The following CFAP210 variants were observed in gnomAD, a reference collection of about 807,000 sequenced individuals.
The protein encoded by CFAP210 is cilia- and flagella- associated protein 210.
At chr2:169,648,000 A>G in the CFAP210 span, among the ~76,000 whole-genome samples, 10 of 151,984 alleles carry the variant, frequency 6.6e-5, no homozygotes, top group South Asian at 2.1e-4. Context: ...TACTAAAAAT[A>G]CAAAAATTAG....
chr2:169,678,797 A>C, the CFAP210 span, among the ~76,000 whole-genome samples: 3 of 152,106 alleles, frequency 2.0e-5, no homozygotes, highest in Non-Finnish European at 4.4e-5. Flanking sequence ...TGCACTCCAG[A>C]CTAGGCGACA....
the CFAP210 span, chr2:169,661,137 T>C: frequency 1.8e-6 from 1 of 566,836 alleles, no homozygotes; most frequent in Non-Finnish European, 3.5e-6. Flanking sequence ...GCTGAGACAA[T>C]TCATAAAATT....
the CFAP210 span, among the ~76,000 whole-genome samples, chr2:169,693,178 A>C: frequency 6.6e-6 from 1 of 152,250 alleles, no homozygotes; most frequent in East Asian, 1.9e-4. Flanking sequence ...ATAGCTGCAC[A>C]CATCTCTGAA....
the CFAP210 span, among the ~76,000 whole-genome samples, chr2:169,653,712 C>T: frequency 2.6e-5 from 4 of 152,050 alleles, no homozygotes; most frequent in African/African-American, 9.7e-5. Flanking sequence ...ATTTATTGGT[C>T]TTCGTGTTAT....
the CFAP210 span, chr2:169,662,518 G>A: frequency 8.3e-7 from 1 of 1,211,972 alleles, no homozygotes; most frequent in African/African-American, 1.5e-5. Context: ...ATTCCAACCT[G>A]GAATGAGTTG....
chr2:169,662,480 T>C, the CFAP210 span: 13 of 1,483,794 alleles, frequency 8.8e-6, no homozygotes, highest in South Asian at 1.1e-4. Flanking sequence ...AGCAGAAAAA[T>C]AGGTTATATT....
the CFAP210 span, chr2:169,675,088 T>G: frequency 6.8e-5 from 88 of 1,294,560 alleles, no homozygotes; most frequent in Non-Finnish European, 8.4e-5. Context: ...TCAATTTAAT[T>G]TTACTACAGT....
the CFAP210 span, among the ~76,000 whole-genome samples, chr2:169,651,005 C>G: frequency 0.64 from 97,135 of 151,190 alleles, 31,747 homozygotes; most frequent in African/African-American, 0.78. Context: ...GAGGCGAGCA[C>G]ATCACGAGGT....
At chr2:169,679,404 G>A in the CFAP210 span, among the ~76,000 whole-genome samples, 1 of 151,754 alleles carries the variant, frequency 6.6e-6, no homozygotes, top group South Asian at 2.1e-4. Flanking sequence ...TGTCGGCTGG[G>A]CGCAGTGGCT....
At chr2:169,663,787 A>T in the CFAP210 span, among the ~76,000 whole-genome samples, 1 of 145,600 alleles carries the variant, frequency 6.9e-6, no homozygotes, top group Non-Finnish European at 1.5e-5. Context: ...ATTGCCCTAA[A>T]AATAATAATA....
At chr2:169,650,445 T>TA in the CFAP210 span, 1 of 1,606,494 alleles carries the variant, frequency 6.2e-7, no homozygotes, top group Admixed American at 1.7e-5. Flanking sequence ...GCAATAATCA[T>TA]ATCTTCATTG....
At chr2:169,694,208 A>G in the CFAP210 span, 18 of 1,582,128 alleles carry the variant, frequency 1.1e-5, no homozygotes, top group Non-Finnish European at 1.4e-5. Flanking sequence ...CTCTCACTCC[A>G]TGCCGGGGGT....
chr2:169,651,222 G>C, the CFAP210 span, among the ~76,000 whole-genome samples: 1 of 90,328 alleles, frequency 1.1e-5, no homozygotes, highest in Non-Finnish European at 2.3e-5. Context: ...GCAAGACTCT[G>C]TCTGAAAAAA....
the CFAP210 span, among the ~76,000 whole-genome samples, chr2:169,671,197 T>C: frequency 2.0e-5 from 3 of 152,214 alleles, no homozygotes; most frequent in Non-Finnish European, 1.5e-5. Context: ...ACAGCCATCT[T>C]GACTACTTGG....
the CFAP210 span, among the ~76,000 whole-genome samples, chr2:169,672,451 A>G: frequency 3.9e-5 from 6 of 152,312 alleles, no homozygotes; most frequent in African/African-American, 1.2e-4. Context: ...AGGAAGACAG[A>G]AACCCGTAGT....
the CFAP210 span, among the ~76,000 whole-genome samples, chr2:169,676,398 T>G: frequency 6.6e-6 from 1 of 151,750 alleles, no homozygotes; most frequent in Middle Eastern, 3.4e-3. Context: ...CCCCATCCCC[T>G]ATCCCTTTAT....
chr2:169,690,494 C>T, the CFAP210 span, among the ~76,000 whole-genome samples: 1 of 152,006 alleles, frequency 6.6e-6, no homozygotes, highest in East Asian at 1.9e-4. Flanking sequence ...GAAACCCCAT[C>T]TCTACTAAAA....
chr2:169,667,972 G>A, the CFAP210 span, among the ~76,000 whole-genome samples: 1 of 152,142 alleles, frequency 6.6e-6, no homozygotes, highest in Admixed American at 6.5e-5. Flanking sequence ...GCCCTTTGAA[G>A]CTTTAAAGCC....
the CFAP210 span, among the ~76,000 whole-genome samples, chr2:169,661,744 A>G: frequency 6.6e-6 from 1 of 152,244 alleles, no homozygotes; most frequent in Non-Finnish European, 1.5e-5. Context: ...AAATATAGCT[A>G]TCCCAAAAGG....
Sources: gnomAD v4.1 joint callset for allele counts (sites outside exome capture counted in the v4.1 genomes callset) on GRCh38, gnomAD v4.1.1 for gene constraint, MANE v1.5 for transcripts, NCBI Gene and HGNC (gene_info 2026-07-23, HGNC 2026-07-21) for gene names.